Variants in ELF2 observed in about 807,000 individuals in gnomAD.
ELF2 encodes the protein ETS-related transcription factor Elf-2.
In ELF2, 11 loss-of-function variants were observed where a neutral mutation model predicts 54.8. The ratio of observed to expected loss-of-function variants is 0.20; its 90% CI spans 0.13 to 0.33. The LOEUF (loss-of-function observed/expected upper bound fraction) is 0.33, where lower values mean the gene tolerates loss of function less well. Ranked by LOEUF, ELF2 falls within the 10% of genes least tolerant of loss-of-function variation. ELF2 has a pLI of 1.00. For synonymous variants in ELF2, 203 were observed against 245.1 expected, an observed-to-expected ratio of 0.83 and a Z score of 1.61; for missense variants, 513 against 703.0, an observed-to-expected ratio of 0.73 and a Z score of 3.06.
intron 1 of ELF2, among the ~76,000 whole-genome samples, chr4:139,139,931 G>A (rs995913572): frequency 3.9e-5 from 6 of 151,914 alleles, no homozygotes; most frequent in African/African-American, 1.4e-4. Context: ...AATGTTTAAG[G>A]AAAAAAAATT....
chr4:139,156,621 T>TTTGTTG (rs548285880), intron 1 of ELF2, among the ~76,000 whole-genome samples: 2 of 137,954 alleles, frequency 1.4e-5, no homozygotes, highest in African/African-American at 2.6e-5. Context: ...TATTTGTTGT[T>TTTGTTG]TTGTTGTTGT....
intron 1 of ELF2, among the ~76,000 whole-genome samples, chr4:139,173,360 G>A (rs942227244): frequency 1.3e-5 from 2 of 152,058 alleles, no homozygotes; most frequent in African/African-American, 4.8e-5. Flanking sequence ...AATATTCATA[G>A]CAGCATAATA....
intron 4 of ELF2, among the ~76,000 whole-genome samples, chr4:139,098,624 G>T (rs1332496440): frequency 1.3e-5 from 2 of 151,830 alleles, no homozygotes; most frequent in Non-Finnish European, 2.9e-5. Context: ...GCCTGCCACC[G>T]CGCCCGGCTA....
chr4:139,067,823 G>A (rs954939846), intron 6 of ELF2, 53 bp from the exon 7 acceptor site: 2 of 1,488,854 alleles, frequency 1.3e-6, no homozygotes, highest in Non-Finnish European at 1.8e-6. Context: ...AAATATGAGA[G>A]GCACGATTAG....
intron 6 of ELF2, among the ~76,000 whole-genome samples, chr4:139,069,816 T>C (rs534546111): frequency 2.6e-5 from 4 of 152,220 alleles, no homozygotes; most frequent in Non-Finnish European, 5.9e-5. Flanking sequence ...GTCTCCCTTA[T>C]GGTAGTAAGT....
chr4:139,126,491 C>CA (rs1469382805), intron 3 of ELF2, among the ~76,000 whole-genome samples: 3 of 151,836 alleles, frequency 2.0e-5, no homozygotes, highest in Non-Finnish European at 4.4e-5. Flanking sequence ...GTGTCTAGTA[C>CA]AAAAAATTAA....
rs1740966288 is a variant in ELF2, at chr4:139,160,044, GCATA to G, written c.-252+16919_-252+16922del. Among the ~76,000 whole-genome samples the G allele has an allele frequency of 6.6e-5, 10 of 152,292 alleles. No individual in the cohort carries two copies. The South Asian group carries it at 2.1e-3, about 32-fold the overall frequency. On this transcript the variant is annotated intron_variant, in intron 1 of 9. Transcript: ENST00000686138. ...AATGATAGATGTGGAAGATACTATAGCATAGCCTGCAGGCCAGGCGCAGTGGCTC... is the reference window on the plus strand; with the variant it reads ...AATGATAGATGTGGAAGATACTATAGGCCTGCAGGCCAGGCGCAGTGGCTC...
intron 3 of ELF2, among the ~76,000 whole-genome samples, chr4:139,132,519 C>G (rs942442396): frequency 8.5e-5 from 13 of 152,140 alleles, no homozygotes; most frequent in Non-Finnish European, 1.6e-4. Context: ...CCCTATAGAT[C>G]TGCCTTTTCT....
At chr4:139,075,506 T>G (rs1383597810) in intron 4 of ELF2, among the ~76,000 whole-genome samples, 1 of 152,220 alleles carries the variant, frequency 6.6e-6, no homozygotes, top group Non-Finnish European at 1.5e-5. Context: ...TCTAGCTCAC[T>G]GCAACCTCCA....
At chr4:139,173,295 T>C (rs909881216) in intron 1 of ELF2, among the ~76,000 whole-genome samples, 3 of 152,040 alleles carry the variant, frequency 2.0e-5, no homozygotes, top group African/African-American at 7.2e-5. Context: ...AAAAGCTAAT[T>C]TATTAAAAAG....
chr4:139,155,295 GA>G (rs1740414396), intron 1 of ELF2: 1 of 152,290 alleles, frequency 6.6e-6, no homozygotes, highest in South Asian at 2.1e-4. Flanking sequence ...CCTCCAAGGA[GA>G]GGGGGATCAC....
Position 139,120,897 on chromosome 4 carries a change from TTAATTA to T in ELF2, c.238+4261_238+4266del, listed in dbSNP as rs200115931. On this transcript the variant is annotated intron_variant, in intron 4 of 9. Transcript: ENST00000686138. ...TGAATTTCAATAGTCTACCCATTTA[TTAATTA>T]TATTTCCCTCAGTTTACAATGCATT... Among the ~76,000 whole-genome samples the T allele has an allele frequency of 9.9e-5, 15 of 152,266 alleles. No individual in the cohort carries two copies. The East Asian group carries it at 1.5e-3, about 16-fold the overall frequency.
intron 4 of ELF2, among the ~76,000 whole-genome samples, chr4:139,123,784 C>T (rs1434733877): frequency 6.6e-6 from 1 of 152,108 alleles, no homozygotes; most frequent in African/African-American, 2.4e-5. Context: ...TTTTCTTCTG[C>T]TATTAGTGTT....
At chr4:139,151,030 A>AGAAAGAAAGAAAGAAAGAAAGAAAGAAAG (rs1560870894) in intron 1 of ELF2, among the ~76,000 whole-genome samples, 1 of 124,674 alleles carries the variant, frequency 8.0e-6, no homozygotes, top group African/African-American at 3.1e-5. Flanking sequence ...TCTCAAAAAA[A>AGAAAGAAAGAAAGAAAGAAAGAAAGAAAG]AAAAAGAAAG....
rs117267167 is a variant in ELF2 at position 139,147,439 on chromosome 4, T to G, written c.-251-7942A>C. Among the ~76,000 whole-genome samples the G allele has an allele frequency of 2.4e-4, 37 of 152,300 alleles. No individual in the cohort carries two copies. The East Asian group carries it at 7.1e-3, about 29-fold the overall frequency. ...AACACTTATGCACTGCTAGTGGAAA[T>G]GTAAATTAGTGCAACCTCTATGCAA... On this transcript the variant is annotated intron_variant, in intron 1 of 9. Transcript: ENST00000686138.
intron 8 of ELF2, among the ~76,000 whole-genome samples, chr4:139,060,937 G>A (rs1465007469): frequency 1.3e-5 from 2 of 152,072 alleles, no homozygotes; most frequent in African/African-American, 2.4e-5. Flanking sequence ...TTTCTTAAAA[G>A]AAATAATTTA....
At chr4:139,159,990 G>A (rs1740953125) in intron 1 of ELF2, among the ~76,000 whole-genome samples, 1 of 152,212 alleles carries the variant, frequency 6.6e-6, no homozygotes, top group South Asian at 2.1e-4. Context: ...TTACTGAGAG[G>A]TAGTGGAGGG....
At chr4:139,128,560 C>T (rs1316875102) in intron 3 of ELF2, among the ~76,000 whole-genome samples, 4 of 148,480 alleles carry the variant, frequency 2.7e-5, no homozygotes, top group Non-Finnish European at 5.9e-5. Flanking sequence ...CTAGCTCTGT[C>T]GCCCAGGTTG....
intron 1 of ELF2, among the ~76,000 whole-genome samples, chr4:139,165,034 G>T (rs1205958714): frequency 6.6e-6 from 1 of 152,204 alleles, no homozygotes; most frequent in Non-Finnish European, 1.5e-5. Context: ...CCCATTAGCA[G>T]AAGCAATCTC....
Sources: allele counts gnomAD v4.1 joint callset (sites outside exome capture counted in the v4.1 genomes callset), GRCh38; gene constraint gnomAD v4.1.1; transcripts MANE v1.5; gene names NCBI Gene and HGNC (gene_info 2026-07-23, HGNC 2026-07-21).